STEAP2: variants seen among roughly 807,000 people sequenced by gnomAD.
The protein encoded by STEAP2 is STEAP2 metalloreductase, also known as metalloreductase STEAP2.
STEAP2 carries 30 observed loss-of-function variants against 46.4 expected under a neutral mutation model. The ratio of observed to expected loss-of-function variants is 0.65; its 90% confidence interval spans 0.48 to 0.88. The LOEUF (loss-of-function observed/expected upper bound fraction) is 0.88, where lower values mean the gene tolerates loss of function less well. Ranked by LOEUF, STEAP2 falls within the 40% of genes least tolerant of loss-of-function variation. The pLI is 0.00. For synonymous variants in STEAP2, 180 were observed against 200.5 expected (o/e 0.90, Z 0.86); for missense variants, 513 against 579.3 (o/e 0.89, Z 1.18).
chr7:90,216,709 T>C (rs1244836455), intron 2 of STEAP2, 106 bp downstream of exon 2: 2 of 152,230 alleles, frequency 1.3e-5, no homozygotes, highest in African/African-American at 2.4e-5. Flanking sequence ...CGCCAAATGA[T>C]GAAAGTATTA....
rs569153655 is a variant in STEAP2, at chr7:90,235,869, G to T, written c.*3245G>T. The T allele has an allele frequency of 1.3e-6, 1 of 755,670 alleles. No homozygotes were observed. Among genetic ancestry groups the T allele is most frequent in the Non-Finnish European group, 1.6e-6 (1 of 620,708 alleles). The allele number at this position is 755,670 out of a possible 1,614,324, so 46.8% of individuals were successfully genotyped here. On this transcript the variant is annotated 3_prime_UTR_variant, in exon 6 of 6. Coordinates refer to ENST00000394621, the MANE Select transcript of STEAP2 (RefSeq NM_001244944.2). ...AAGTATGAATAAAATATATTTATAG[G>T]TATTTATCAGAGATGATTATTTTGT...
Position 90,227,051 on chromosome 7 carries a change from C to T in STEAP2, c.573C>T (p.Asp191=), listed in dbSNP as rs748157222. ...LARQLNFIPI[D]LGSLSSAREI... is the part of the protein sequence containing the mutation. The stretch of plus-strand genomic sequence containing the variant: ...GCCAGTTGAATTTCATTCCCATTGA[C>T]TTGGGATCCTTATCATCAGCCAGAG... The change falls in exon 4 of 6, where the codon GAC becomes GAT. Residue 191 remains aspartate, a synonymous_variant. Transcript: ENST00000394621. 5.0e-6 allele frequency: 8 copies of T among 1,613,304 alleles called. No homozygotes were observed. Among genetic ancestry groups the T allele is most frequent in the Non-Finnish European group, 6.8e-6 (8 of 1,179,726 alleles).
chr7:90,217,461 T>A (rs1169337401), intron 2 of STEAP2, among the ~76,000 whole-genome samples: 1 of 152,130 alleles, frequency 6.6e-6, no homozygotes, highest in African/African-American at 2.4e-5. Context: ...ATTCTCTACC[T>A]CCATGGGATC....
intron 2 of STEAP2, among the ~76,000 whole-genome samples, chr7:90,218,933 T>A (rs1190036726): frequency 6.6e-6 from 1 of 152,192 alleles, no homozygotes; most frequent in African/African-American, 2.4e-5. Context: ...GTTTATGTCA[T>A]CTTTAATTTT....
chr7:90,236,173 A>C lies in STEAP2; in HGVS notation c.*3549A>C, dbSNP rs1584256071. ...TTGCCATTAAGCTATTTCATAATAA[A>C]TTCTGTACAGTTTCCCCCCAAAAAA... On this transcript the variant is annotated 3_prime_UTR_variant, in exon 6 of 6. Transcript: ENST00000394621. 1 of 724,228 alleles carries C rather than the reference A, an allele frequency of 1.4e-6. No individual in the cohort carries two copies. The highest frequency in any genetic ancestry group is 1.4e-4 in the East Asian group (1 of 7,404). 44.9% of individuals were successfully genotyped at this position (724,228 alleles called of 1,614,324 possible). A position where few individuals can be genotyped will look rare whatever the true frequency, so the allele number is the denominator to read the frequency against.
Position 90,230,847 on chromosome 7 carries a change from G to GT in STEAP2, c.1185+822dup, listed in dbSNP as rs561205263. Among the ~76,000 whole-genome samples, 201 of 143,244 alleles carry GT rather than the reference G, an allele frequency of 1.4e-3. 1 individual carries two copies. Among genetic ancestry groups the GT allele is most frequent in the South Asian group, 7.1e-3 (32 of 4,478 alleles). 94.0% of individuals were successfully genotyped at this position (143,244 alleles called of 152,430 possible). A position where few individuals can be genotyped will look rare whatever the true frequency, so the allele number is the denominator to read the frequency against. ...GTTTCAATTCATTGCTTATTTGCTT[G>GT]TTTTTTTTTTTAAGGTCCTGTAAAA... On this transcript the variant is annotated intron_variant, in intron 5 of 5. Coordinates refer to ENST00000394621, the MANE Select transcript of STEAP2 (RefSeq NM_001244944.2).
rs1384323039 is a variant in STEAP2, at chr7:90,235,931, A to C, written c.*3307A>C. 1 of 983,548 alleles carries C rather than the reference A, an allele frequency of 1.0e-6. No individual in the cohort carries two copies. Among genetic ancestry groups the C allele is most frequent in the African/African-American group, 1.7e-5 (1 of 57,186 alleles). The allele number at this position is 983,548 out of a possible 1,614,324, so 60.9% of individuals were successfully genotyped here. On this transcript the variant is annotated 3_prime_UTR_variant, in exon 6 of 6. Coordinates refer to ENST00000394621, the MANE Select transcript of STEAP2 (RefSeq NM_001244944.2). ...GTTGGCTAATGAGCTCTAGTGTTAA[A>C]CTACCTGATTAATTTCTTATAAAGC...
intron 2 of STEAP2, among the ~76,000 whole-genome samples, chr7:90,223,072 T>C (rs1254908426): frequency 6.6e-6 from 1 of 152,130 alleles, no homozygotes; most frequent in Non-Finnish European, 1.5e-5. Context: ...AACTAAAAAA[T>C]AATTTGAGAG....
chr7:90,237,619 TTC>T lies in STEAP2; in HGVS notation c.*4997_*4998del, dbSNP rs1462718886. Reference sequence around the variant, plus strand: ...AAAAAGTACTATTTAATGATTTAACTTCTGTTTTGAAATGTTGTATACACGTG... The same window carrying T: ...AAAAAGTACTATTTAATGATTTAACTTGTTTTGAAATGTTGTATACACGTG... On this transcript the variant is annotated 3_prime_UTR_variant, in exon 6 of 6. Transcript: ENST00000394621. The T allele has an allele frequency of 6.5e-6, 1 of 154,386 alleles. No homozygotes were observed. Among genetic ancestry groups the T allele is most frequent in the Non-Finnish European group, 1.4e-5 (1 of 69,360 alleles). The allele number at this position is 154,386 out of a possible 1,614,324, so 9.6% of individuals were successfully genotyped here.
chr7:90,220,137 G>A (rs1795191871), intron 2 of STEAP2, among the ~76,000 whole-genome samples: 1 of 152,164 alleles, frequency 6.6e-6, no homozygotes, highest in African/African-American at 2.4e-5. Context: ...TGAAGATAAT[G>A]CTGACCTCAT....
rs546413280 is a variant in STEAP2 at position 90,216,017 on chromosome 7, C to T, written c.-146-474C>T. On this transcript the variant is annotated intron_variant, in intron 1 of 5. Coordinates refer to ENST00000394621, the MANE Select transcript of STEAP2 (RefSeq NM_001244944.2). ...CTTGAACTCCTGACCTCAAGTGATCCACCTGCTTCGGCCTCCCAAAGTGCT... is the reference window on the plus strand; with the variant it reads ...CTTGAACTCCTGACCTCAAGTGATCTACCTGCTTCGGCCTCCCAAAGTGCT... 2.6e-5 allele frequency: 4 copies of T among 152,288 alleles called. No homozygotes were observed. In the East Asian group the frequency reaches 7.8e-4, roughly 30 times the overall value. 9.4% of individuals were successfully genotyped at this position (152,288 alleles called of 1,614,324 possible).
At chr7:90,239,008 T>G (rs1423177340), downstream of STEAP2, among the ~76,000 whole-genome samples, 2 of 152,220 alleles carry the variant, frequency 1.3e-5, no homozygotes, top group Non-Finnish European at 2.9e-5. Context: ...TGTGCCTTGA[T>G]TAAACATACT....
At position 90,216,318 on chromosome 7, in the gene STEAP2, C is replaced by T. The variant is rs931724519; in HGVS notation, c.-146-173C>T. ...ATTCCCTTGGAAACAGTGGTCTGCT[C>T]AGGTCAGCAGGATCATGATGCCTGG... On this transcript the variant is annotated intron_variant, in intron 1 of 5. Transcript: ENST00000394621. 26 of 152,162 alleles carry T rather than the reference C, an allele frequency of 1.7e-4. 1 individual carries two copies. Among genetic ancestry groups the T allele is most frequent in the Admixed American group, 1.6e-3 (25 of 15,268 alleles). The allele number at this position is 152,162 out of a possible 1,614,324, so 9.4% of individuals were successfully genotyped here. A position where few individuals can be genotyped will look rare whatever the true frequency, so the allele number is the denominator to read the frequency against.
chr7:90,239,273 G>A (rs902367372), downstream of STEAP2, among the ~76,000 whole-genome samples: 1 of 152,128 alleles, frequency 6.6e-6, no homozygotes, highest in Non-Finnish European at 1.5e-5. Flanking sequence ...GGAAGACCAC[G>A]TGAAGTAAAA....
chr7:90,229,881 A>G lies in STEAP2; in HGVS notation c.1030A>G (p.Asn344Asp). The G allele has an allele frequency of 6.2e-7, 1 of 1,612,380 alleles. No homozygotes were observed. Among genetic ancestry groups the G allele is most frequent in the Non-Finnish European group, 8.5e-7 (1 of 1,179,182 alleles). ...LNMAYQQVHA[N>D]IENSWNEEEV... ...TTCGCTTTCTTGTTAGGTTCATGCA[A>G]ATATTGAAAACTCTTGGAATGAGGA... is the stretch of plus-strand genomic sequence containing the variant. The change falls in exon 5 of 6, where the codon AAT (asparagine) becomes GAT (aspartate). Residue 344 changes from asparagine (N) to aspartate (D), a missense_variant. By Grantham distance (23) the Asn-to-Asp change is conservative. Coordinates refer to ENST00000394621, the MANE Select transcript of STEAP2 (RefSeq NM_001244944.2).
chr7:90,220,392 C>T (rs1026422986), intron 2 of STEAP2, among the ~76,000 whole-genome samples: 5 of 152,222 alleles, frequency 3.3e-5, no homozygotes, highest in Non-Finnish European at 7.4e-5. Context: ...TATCCATTTC[C>T]TCTAGGTTTT....
chr7:90,228,355 T>A (rs561032392), intron 4 of STEAP2, among the ~76,000 whole-genome samples: 1 of 151,546 alleles, frequency 6.6e-6, no homozygotes, highest in East Asian at 1.9e-4. Context: ...AAACCTAAAA[T>A]AATATTTTTC....
chr7:90,213,107 A>C (rs544438522), intron 1 of STEAP2, among the ~76,000 whole-genome samples: 1 of 152,344 alleles, frequency 6.6e-6, no homozygotes, highest in East Asian at 1.9e-4. Flanking sequence ...GTTTAGAAAC[A>C]TAAAGAGTAA....
downstream of STEAP2, among the ~76,000 whole-genome samples, chr7:90,242,851 A>G (rs1796079372): frequency 1.3e-5 from 2 of 152,226 alleles, no homozygotes; most frequent in African/African-American, 4.8e-5. Context: ...ACCAATGAGT[A>G]GCTGTAGAGA....
Sources: gnomAD v4.1 joint callset for allele counts (sites outside exome capture counted in the v4.1 genomes callset) on GRCh38, gnomAD v4.1.1 for gene constraint, MANE v1.5 for transcripts, NCBI Gene and HGNC (gene_info 2026-07-23, HGNC 2026-07-21) for gene names.